SERAC1: variants seen among roughly 807,000 people sequenced by gnomAD.
SERAC1 encodes the protein serine active site containing 1.
A neutral mutation model predicts 85.7 loss-of-function variants in SERAC1; 36 were observed. The ratio of observed to expected loss-of-function variants is 0.42; its 90% CI spans 0.32 to 0.55. The LOEUF is 0.55. SERAC1 is among the 20% of genes least tolerant of loss of function. The pLI, the probability that SERAC1 is intolerant of heterozygous loss-of-function variation, is 0.11. For missense variants in SERAC1, 629 were observed against 796.2 expected (o/e 0.79, Z 2.53); for synonymous variants, 242 against 265.3 (o/e 0.91, Z 0.85).
At chr6:158,142,976 G>A (rs1378972117) in intron 8 of SERAC1, 80 bp downstream of exon 8, 1 of 1,151,374 alleles carries the variant, frequency 8.7e-7, no homozygotes, top group Non-Finnish European at 1.3e-6. Flanking sequence ...TCAGTTACTG[G>A]GTGAATGCCA....
chr6:158,137,752 G>A (rs1583583387), intron 8 of SERAC1, among the ~76,000 whole-genome samples: 2 of 152,134 alleles, frequency 1.3e-5, no homozygotes, highest in African/African-American at 4.8e-5. Context: ...AGTGGTACAC[G>A]CCTGTAGTCC....
intron 3 of SERAC1, chr6:158,151,115 T>G (rs933000266): frequency 6.5e-6 from 1 of 153,478 alleles, no homozygotes; most frequent in Non-Finnish European, 1.5e-5. Flanking sequence ...GACAGCTCCA[T>G]GCATGTCACT....
At chr6:158,141,977 A>AT (rs527270271) in intron 8 of SERAC1, among the ~76,000 whole-genome samples, 3,168 of 146,280 alleles carry the variant, frequency 0.022, 34 homozygotes, top group Non-Finnish European at 0.031. Flanking sequence ...TAAAACACTG[A>AT]TTTTTTTTTT....
intron 8 of SERAC1, among the ~76,000 whole-genome samples, chr6:158,136,644 G>A (rs1281949680): frequency 1.3e-5 from 2 of 152,184 alleles, no homozygotes; most frequent in African/African-American, 4.8e-5. Context: ...ACAGGCATGG[G>A]CCACTGTGCC....
rs891981066 is a variant in SERAC1 at position 158,168,181 on chromosome 6, G to C, written c.-43C>G. 1 of 152,224 alleles carries C rather than the reference G, an allele frequency of 6.6e-6. No individual in the cohort carries two copies. 9.4% of individuals were successfully genotyped at this position (152,224 alleles called of 1,614,324 possible). A position where few individuals can be genotyped will look rare whatever the true frequency, so the allele number is the denominator to read the frequency against. Reference sequence around the variant, plus strand: ...TCAGCCCGTGCCCAACTGCTCGTCGGACCCCGTTGTCTGGGGAGCCCTACT... The same window carrying C: ...TCAGCCCGTGCCCAACTGCTCGTCGCACCCCGTTGTCTGGGGAGCCCTACT... On this transcript the variant is annotated 5_prime_UTR_variant, in exon 1 of 17. Transcript: ENST00000647468.
chr6:158,167,642 C>A (rs993496422), intron 1 of SERAC1, among the ~76,000 whole-genome samples: 2 of 151,066 alleles, frequency 1.3e-5, no homozygotes, highest in Non-Finnish European at 1.5e-5. Context: ...AAAATAATGA[C>A]AGTGTTCCTT....
At chr6:158,114,249 C>CAACA (rs763885320) in intron 15 of SERAC1, among the ~76,000 whole-genome samples, 7 of 152,166 alleles carry the variant, frequency 4.6e-5, no homozygotes, top group South Asian at 2.1e-4. Context: ...AAGGAAAGTC[C>CAACA]AACAGAAGGT....
chr6:158,159,755 G>A (rs2128425327), intron 1 of SERAC1, among the ~76,000 whole-genome samples: 1 of 151,790 alleles, frequency 6.6e-6, no homozygotes, highest in South Asian at 2.1e-4. Context: ...CTACCGAGCA[G>A]CTGGGACTAC....
At chr6:158,147,773 A>G (rs1351895317) in intron 5 of SERAC1, among the ~76,000 whole-genome samples, 3 of 47,182 alleles carry the variant, frequency 6.4e-5, no homozygotes, top group African/African-American at 1.8e-4. Context: ...TGTCTCAAAA[A>G]AAAAAAAAAA....
chr6:158,127,307 G>C (rs1249238767), intron 10 of SERAC1, among the ~76,000 whole-genome samples: 1 of 2,822 alleles, frequency 3.5e-4, no homozygotes, highest in Non-Finnish European at 7.4e-4. Context: ...GCCTCTGCCC[G>C]GCCGCCCCTA....
intron 9 of SERAC1, 64 bp downstream of exon 9, chr6:158,130,309 C>A: frequency 1.1e-6 from 1 of 894,324 alleles, no homozygotes; most frequent in South Asian, 2.1e-5. Context: ...TTGCAAAAAT[C>A]AACCTATATA....
At chr6:158,152,024 C>T (rs988954024) in intron 3 of SERAC1, among the ~76,000 whole-genome samples, 1 of 152,170 alleles carries the variant, frequency 6.6e-6, no homozygotes, top group Non-Finnish European at 1.5e-5. Context: ...ATAGCTGAGA[C>T]TACAGGCCCA....
intron 1 of SERAC1, among the ~76,000 whole-genome samples, chr6:158,162,468 C>A (rs1178955304): frequency 6.6e-6 from 1 of 152,124 alleles, no homozygotes; most frequent in African/African-American, 2.4e-5. Flanking sequence ...ATATACCCCA[C>A]TCAAGATTTG....
chr6:158,123,688 G>A (rs1355910735), intron 10 of SERAC1, among the ~76,000 whole-genome samples: 1 of 152,170 alleles, frequency 6.6e-6, no homozygotes, highest in Non-Finnish European at 1.5e-5. Flanking sequence ...GCAGGCAGTA[G>A]GTTTCATCAA....
At chr6:158,149,730 T>C (rs1163654811) in intron 4 of SERAC1, among the ~76,000 whole-genome samples, 1 of 152,114 alleles carries the variant, frequency 6.6e-6, no homozygotes, top group Non-Finnish European at 1.5e-5. Flanking sequence ...AATGATATAA[T>C]AACAAATAGC....
intron 3 of SERAC1, among the ~76,000 whole-genome samples, chr6:158,152,499 G>A (rs1341881876): frequency 6.6e-6 from 1 of 151,808 alleles, no homozygotes; most frequent in African/African-American, 2.4e-5. Context: ...CAGGGCGACG[G>A]AGCAAGACTC....
chr6:158,140,283 TACTCA>T (rs1187066736), intron 8 of SERAC1, among the ~76,000 whole-genome samples: 1 of 152,188 alleles, frequency 6.6e-6, no homozygotes, highest in Admixed American at 6.5e-5. Context: ...CTTTCTGCCC[TACTCA>T]ACCTCTAGGG....
At chr6:158,123,470 G>A (rs1771912255) in intron 10 of SERAC1, among the ~76,000 whole-genome samples, 2 of 152,236 alleles carry the variant, frequency 1.3e-5, no homozygotes, top group South Asian at 4.1e-4. Context: ...AGTAAAGTAG[G>A]AGGAGAAGTC....
intron 10 of SERAC1, among the ~76,000 whole-genome samples, chr6:158,125,334 T>TA (rs1325726167): frequency 6.6e-6 from 1 of 152,082 alleles, no homozygotes; most frequent in East Asian, 1.9e-4. Context: ...AATTTTTAAA[T>TA]AAAAAAATAA....
Sources: gnomAD v4.1 joint callset for allele counts (sites outside exome capture counted in the v4.1 genomes callset) on GRCh38, gnomAD v4.1.1 for gene constraint, MANE v1.5 for transcripts, NCBI Gene and HGNC (gene_info 2026-07-23, HGNC 2026-07-21) for gene names.